Variants in NT5DC1 observed in about 807,000 individuals in gnomAD.
The protein encoded by NT5DC1 is 5'-nucleotidase domain-containing protein 1.
In NT5DC1, 42 loss-of-function variants were observed where a neutral mutation model predicts 59.4. The observed-to-expected ratio is 0.71, with a 90% CI of 0.55 to 0.92. The LOEUF (loss-of-function observed/expected upper bound fraction) is 0.92. NT5DC1 is among the 40% of genes least tolerant of loss of function. The pLI, the probability that NT5DC1 is intolerant of heterozygous loss-of-function variation, is 0.00. For missense variants in NT5DC1, 501 were observed against 537.1 expected (o/e 0.93, Z 0.66); for synonymous variants, 172 against 188.1 (o/e 0.91, Z 0.70).
chr6:116,185,775 C>G lies in NT5DC1; in HGVS notation c.530-35279C>G, dbSNP rs887058783. Among the ~76,000 whole-genome samples the G allele has an allele frequency of 3.9e-5, 6 of 152,028 alleles. No individual in the cohort carries two copies. In the East Asian group the frequency reaches 1.2e-3, roughly 29 times the overall value. On this transcript the variant is annotated intron_variant, in intron 6 of 11. Coordinates refer to ENST00000319550, the MANE Select transcript of NT5DC1 (RefSeq NM_152729.3). ...GTGAGTCCTTATGTGTCAGGTGAGT[C>G]TCTGGAAGACAGCAGATACTTGGTT... is the stretch of plus-strand genomic sequence containing the variant.
chr6:116,170,559 G>T (rs542361193), intron 6 of NT5DC1, among the ~76,000 whole-genome samples: 1 of 152,224 alleles, frequency 6.6e-6, no homozygotes, highest in Admixed American at 6.5e-5. Flanking sequence ...TAAGTAATCA[G>T]TGCACCTTAG....
intron 6 of NT5DC1, among the ~76,000 whole-genome samples, chr6:116,190,910 G>A (rs1398029832): frequency 6.6e-6 from 1 of 151,944 alleles, no homozygotes; most frequent in Non-Finnish European, 1.5e-5. Flanking sequence ...GGTTACCCCT[G>A]TTTATAAGGA....
At chr6:116,174,272 A>C (rs1254055893) in intron 6 of NT5DC1, among the ~76,000 whole-genome samples, 2 of 152,132 alleles carry the variant, frequency 1.3e-5, no homozygotes, top group Admixed American at 1.3e-4. Flanking sequence ...GCCCACTCTC[A>C]AGAGTGACGG....
Position 116,120,834 on chromosome 6 carries a change from C to G in NT5DC1, c.529+2889C>G, listed in dbSNP as rs371658940. 9.2e-5 allele frequency: 148 copies of G among 1,613,886 alleles called. No individual in the cohort carries two copies. The highest frequency in any genetic ancestry group is 1.2e-4 in the Non-Finnish European group (141 of 1,179,986). ...TTGTGTCCGGGCATTCCCTTTGCTCCTGCTGGGCCCACAGGGCCTGGGAGA... is the reference window on the plus strand; with the variant it reads ...TTGTGTCCGGGCATTCCCTTTGCTCGTGCTGGGCCCACAGGGCCTGGGAGA... On this transcript the variant is annotated intron_variant, in intron 6 of 11. Transcript: ENST00000319550.
chr6:116,182,169 C>G (rs1414438937), intron 6 of NT5DC1, among the ~76,000 whole-genome samples: 1 of 151,284 alleles, frequency 6.6e-6, no homozygotes, highest in Non-Finnish European at 1.5e-5. Flanking sequence ...ATCCAGGTTG[C>G]TACAAATGCC....
intron 6 of NT5DC1, among the ~76,000 whole-genome samples, chr6:116,162,697 T>A (rs1301299608): frequency 6.6e-6 from 1 of 152,234 alleles, no homozygotes; most frequent in Non-Finnish European, 1.5e-5. Flanking sequence ...TGAGGACTTT[T>A]GCATCTACGT....
rs527620372 is a variant in NT5DC1 at position 116,243,822 on chromosome 6, GT to G, written c.1253-83del. ...TTAAAATTTTACGTCTAAAAAATAA[GT>G]TTTATTAGTGAATATCAAGTTTTGA... On this transcript the variant is annotated intron_variant, in intron 11 of 11. Coordinates refer to ENST00000319550, the MANE Select transcript of NT5DC1 (RefSeq NM_152729.3). 1,061 of 569,178 alleles carry G rather than the reference GT, an allele frequency of 1.9e-3. 8 individuals carry two copies. The highest frequency in any genetic ancestry group is 0.017 in the African/African-American group (912 of 52,722). 35.3% of individuals were successfully genotyped at this position (569,178 alleles called of 1,614,324 possible).
Position 116,246,318 on chromosome 6 carries a change from TC to T in NT5DC1, c.*2295del, listed in dbSNP as rs1771847656. On this transcript the variant is annotated 3_prime_UTR_variant, in exon 12 of 12. Coordinates refer to ENST00000319550, the MANE Select transcript of NT5DC1 (RefSeq NM_152729.3). ...AATGACTCAGTGACCAAATGTTTTG[TC>T]AGAATCTGGTATTTGGAATACTGAG... is the stretch of plus-strand genomic sequence containing the variant. The T allele has an allele frequency of 6.6e-6, 1 of 152,122 alleles. No homozygotes were observed. 9.4% of individuals were successfully genotyped at this position (152,122 alleles called of 1,614,324 possible).
intron 6 of NT5DC1, among the ~76,000 whole-genome samples, chr6:116,201,050 G>C (rs779096271): frequency 2.3e-4 from 35 of 151,912 alleles, no homozygotes; most frequent in Non-Finnish European, 3.8e-4. Context: ...TGCCCAGTAG[G>C]AGTGAAGTAC....
At chr6:116,226,944 T>C (rs1166964979) in intron 8 of NT5DC1, among the ~76,000 whole-genome samples, 1 of 152,150 alleles carries the variant, frequency 6.6e-6, no homozygotes, top group Non-Finnish European at 1.5e-5. Flanking sequence ...ACTATTTAAA[T>C]AGGTATTACC....
rs1279153965 is a variant in NT5DC1, at chr6:116,243,984, C to A, written c.1328C>A (p.Pro443Gln). 1 of 1,556,356 alleles carries A rather than the reference C, an allele frequency of 6.4e-7. No homozygotes were observed. Among genetic ancestry groups the A allele is most frequent in the South Asian group, 1.1e-5 (1 of 87,984 alleles). Residue 443 changes from proline to glutamine, a missense_variant, in exon 12 of 12, where the codon CCA becomes CAA. Pro to Gln is a moderately conservative substitution (Grantham distance 76). Coordinates refer to ENST00000319550, the MANE Select transcript of NT5DC1 (RefSeq NM_152729.3). ...ACAGCTGGCTACTATCCAAATCCTC[C>A]ACTGGTCTTATCAAGTGATGAGACA... ...SKTAGYYPNP[P>Q]LVLSSDETLI...
chr6:116,119,238 TA>T (rs1779032648), intron 6 of NT5DC1: 1 of 152,694 alleles, frequency 6.5e-6, no homozygotes. Flanking sequence ...GTACATGTGC[TA>T]ATGTTCTGTA....
intron 6 of NT5DC1, among the ~76,000 whole-genome samples, chr6:116,138,940 G>A (rs1285270235): frequency 6.6e-6 from 1 of 151,996 alleles, no homozygotes; most frequent in Non-Finnish European, 1.5e-5. Context: ...GTTTATAATT[G>A]CATTATTAGT....
intron 8 of NT5DC1, among the ~76,000 whole-genome samples, chr6:116,234,645 T>A (rs1289589268): frequency 2.0e-5 from 3 of 152,220 alleles, no homozygotes; most frequent in Admixed American, 6.5e-5. Flanking sequence ...CCAGCCTACA[T>A]TTTTAAATAT....
intron 6 of NT5DC1, among the ~76,000 whole-genome samples, chr6:116,200,978 T>C (rs537950000): frequency 1.3e-5 from 2 of 152,158 alleles, no homozygotes; most frequent in African/African-American, 4.8e-5. Flanking sequence ...TTAGTTTCTT[T>C]GTTCTCAAGA....
intron 2 of NT5DC1, among the ~76,000 whole-genome samples, chr6:116,107,258 G>A (rs898838010): frequency 6.8e-6 from 1 of 147,048 alleles, no homozygotes; most frequent in African/African-American, 2.5e-5. Context: ...TTGATATTTT[G>A]TTAGTCTTTT....
At chr6:116,103,230 CAG>C (rs1369959751) in intron 1 of NT5DC1, among the ~76,000 whole-genome samples, 5 of 152,158 alleles carry the variant, frequency 3.3e-5, no homozygotes, top group Admixed American at 1.3e-4. Flanking sequence ...ATTTTAATAA[CAG>C]AATATGATAC....
At chr6:116,198,235 C>T (rs1482901981) in intron 6 of NT5DC1, among the ~76,000 whole-genome samples, 1 of 152,048 alleles carries the variant, frequency 6.6e-6, no homozygotes, top group African/African-American at 2.4e-5. Context: ...TGGTAAGGTT[C>T]ACCCATTCAT....
intron 6 of NT5DC1, among the ~76,000 whole-genome samples, chr6:116,213,881 A>G (rs937163730): frequency 6.6e-6 from 1 of 152,042 alleles, no homozygotes; most frequent in South Asian, 2.1e-4. Flanking sequence ...GCCAAGCACT[A>G]TGAGATGGAT....
Sources: gnomAD v4.1 joint callset for allele counts (sites outside exome capture counted in the v4.1 genomes callset) on GRCh38, gnomAD v4.1.1 for gene constraint, MANE v1.5 for transcripts, NCBI Gene and HGNC (gene_info 2026-07-23, HGNC 2026-07-21) for gene names.